CHST7: variants seen among roughly 807,000 people sequenced by gnomAD.
CHST7 encodes the protein carbohydrate sulfotransferase 7, also known as N-acetylglucosamine 6-O-sulfotransferase 4.
In CHST7, 5 loss-of-function variants were observed where a neutral mutation model predicts 9.0. The observed-to-expected ratio is 0.56, with a 90% CI of 0.29 to 1.17. The LOEUF (loss-of-function observed/expected upper bound fraction) is 1.17, where lower values mean the gene tolerates loss of function less well. Among genes scored for constraint, CHST7 ranks in the 50% most tolerant of loss-of-function variants. The pLI is 0.08. For synonymous variants in CHST7, 244 were observed against 237.1 expected (o/e 1.03, Z -0.27); for missense variants, 377 against 485.1 (o/e 0.78, Z 2.09).
chrX:46,595,590 T>A (rs774943224), intron 1 of CHST7, among the ~76,000 whole-genome samples: 1 of 110,727 alleles, frequency 9.0e-6, no homozygotes, highest in East Asian at 2.8e-4. Context: ...TTTCAGGGCT[T>A]TTTTGTGTGT....
chrX:46,590,957 T>C (rs189779410), intron 1 of CHST7, among the ~76,000 whole-genome samples: 2 of 112,580 alleles, frequency 1.8e-5, no homozygotes, highest in East Asian at 2.8e-4. Context: ...CCTTTTGAGA[T>C]TGGCATTTTT....
Position 46,574,307 on chromosome X carries a change from G to A in CHST7, c.376G>A (p.Asp126Asn). The stretch of plus-strand genomic sequence containing the variant: ...GGGCGAACTCTTTAACCAGCACCCG[G>A]ACGTTTTCTACTTGTATGAGCCCAT... Reference protein sequence around the residue: ...FLGELFNQHPDVFYLYEPMWH... With the variant: ...FLGELFNQHPNVFYLYEPMWH... Residue 126 changes from aspartate to asparagine, a missense_variant, in exon 1 of 2, where the codon GAC becomes AAC. This residue lies in a region of CHST7 where 239 missense variants were observed against 325.7 expected (regional missense o/e 0.73). Coordinates refer to ENST00000276055, the MANE Select transcript of CHST7 (RefSeq NM_019886.4). The A allele has an allele frequency of 5.8e-6, 7 of 1,211,509 alleles. No homozygotes were observed. The highest frequency in any genetic ancestry group is 7.8e-6 in the Non-Finnish European group (7 of 895,271).
chrX:46,575,237 G>A lies in CHST7; in HGVS notation c.1306G>A (p.Glu436Lys). Residue 436 changes from glutamate to lysine, a missense_variant, in exon 1 of 2, where the codon GAG becomes AAG. By Grantham distance (56) the Glu-to-Lys change is moderately conservative (BLOSUM62 1). This residue lies in a region of CHST7 where 130 missense variants were observed against 134.9 expected (regional missense o/e 0.96). Coordinates refer to ENST00000276055, the MANE Select transcript of CHST7 (RefSeq NM_019886.4). Reference protein sequence around the residue: ...DAREAVHAWRERLSREQVRQV... With the variant: ...DAREAVHAWRKRLSREQVRQV... The stretch of plus-strand genomic sequence containing the variant: ...CCGGGAGGCGGTGCACGCCTGGCGC[G>A]AGCGCCTGAGCCGAGAGCAGGTGCG... The A allele has an allele frequency of 9.1e-7, 1 of 1,101,370 alleles. No homozygotes were observed. Among genetic ancestry groups the A allele is most frequent in the Non-Finnish European group, 1.2e-6 (1 of 847,279 alleles). 90.8% of individuals were successfully genotyped at this position (1,101,370 alleles called of 1,213,427 possible). A position where few individuals can be genotyped will look rare whatever the true frequency, so the allele number is the denominator to read the frequency against.
At chrX:46,595,901 G>C (rs1200489540) in intron 1 of CHST7, among the ~76,000 whole-genome samples, 4 of 111,395 alleles carry the variant, frequency 3.6e-5, no homozygotes, top group Non-Finnish European at 7.5e-5. Context: ...ACTTTGGGAG[G>C]CTGAGGCGGG....
intron 1 of CHST7, among the ~76,000 whole-genome samples, chrX:46,577,897 C>A (rs1348332886): frequency 8.9e-6 from 1 of 112,055 alleles, no homozygotes; most frequent in Non-Finnish European, 1.9e-5. Flanking sequence ...AACTTTACAG[C>A]CATCCTCCCC....
At chrX:46,585,312 G>C (rs1242017772) in intron 1 of CHST7, among the ~76,000 whole-genome samples, 1 of 62,453 alleles carries the variant, frequency 1.6e-5, no homozygotes, top group Non-Finnish European at 2.7e-5. Context: ...TTTTTTTTGA[G>C]ACAGTCTTAT....
chrX:46,576,509 T>A (rs922028183), intron 1 of CHST7, among the ~76,000 whole-genome samples: 5 of 111,734 alleles, frequency 4.5e-5, no homozygotes, highest in Non-Finnish European at 9.4e-5. Flanking sequence ...AGTCTCAAAA[T>A]GTGTTCTGTG....
Position 46,574,908 on chromosome X carries a change from G to A in CHST7, c.977G>A (p.Gly326Asp). 1 of 1,151,016 alleles carries A rather than the reference G, an allele frequency of 8.7e-7. No homozygotes were observed. The highest frequency in any genetic ancestry group is 2.0e-5 in the South Asian group (1 of 50,638). 94.9% of individuals were successfully genotyped at this position (1,151,016 alleles called of 1,213,427 possible). A position where few individuals can be genotyped will look rare whatever the true frequency, so the allele number is the denominator to read the frequency against. The change falls in exon 1 of 2, where the codon GGC becomes GAC. Residue 326 changes from glycine (G) to aspartate (D), a missense_variant. Gly to Asp is a moderately conservative substitution (Grantham distance 94, BLOSUM62 -1). Transcript: ENST00000276055. ...LAHGVGARPG[G>D]QSRALPAAPR... ...CACGGCGTGGGTGCTCGCCCCGGGG[G>A]CCAGTCTCGCGCGCTGCCCGCCGCG...
rs755589243 is a variant in CHST7 at position 46,575,289 on chromosome X, C to T, written c.1358C>T (p.Ala453Val). 2.7e-6 allele frequency: 3 copies of T among 1,110,593 alleles called. No homozygotes were observed. Among genetic ancestry groups the T allele is most frequent in the East Asian group, 7.4e-5 (2 of 27,067 alleles). The allele number at this position is 1,110,593 out of a possible 1,213,427, so 91.5% of individuals were successfully genotyped here. The part of the protein sequence containing the change: ...VRQVEAACAP[A>V]MRLLAYPRSG... ...CAGGTGGAGGCCGCCTGCGCTCCAG[C>T]CATGCGTCTGCTCGCCTACCCTCGC... Residue 453 changes from alanine to valine, a missense_variant, in exon 1 of 2, where the codon GCC (alanine) becomes GTC (valine). Ala to Val is a moderately conservative substitution (Grantham distance 64, BLOSUM62 0). This residue lies in a region of CHST7 where 130 missense variants were observed against 134.9 expected (regional missense o/e 0.96). Coordinates refer to ENST00000276055, the MANE Select transcript of CHST7 (RefSeq NM_019886.4).
chrX:46,588,793 C>A, intron 1 of CHST7, among the ~76,000 whole-genome samples: 1 of 110,485 alleles, frequency 9.1e-6, no homozygotes, highest in Non-Finnish European at 1.9e-5. Flanking sequence ...CCTCACATTT[C>A]AATGTCACTT....
intron 1 of CHST7, among the ~76,000 whole-genome samples, chrX:46,581,249 A>T (rs6611265): frequency 0.2 from 17,562 of 89,574 alleles, 1,903 homozygotes; most frequent in African/African-American, 0.28. Context: ...AAAAAAAAAA[A>T]AATAATAATA....
At chrX:46,580,544 G>T (rs959509208) in intron 1 of CHST7, among the ~76,000 whole-genome samples, 1 of 111,739 alleles carries the variant, frequency 8.9e-6, no homozygotes, top group African/African-American at 3.3e-5. Flanking sequence ...GGGCTGCAAT[G>T]AGGTGTGAAC....
chrX:46,596,617 T>C (rs1158065412), intron 1 of CHST7, among the ~76,000 whole-genome samples: 1 of 110,196 alleles, frequency 9.1e-6, no homozygotes, highest in Non-Finnish European at 1.9e-5. Flanking sequence ...ATATAGCCCT[T>C]TCATGAAACA....
chrX:46,590,991 A>T (rs904538509), intron 1 of CHST7, among the ~76,000 whole-genome samples: 7 of 112,396 alleles, frequency 6.2e-5, no homozygotes, highest in African/African-American at 1.9e-4. Context: ...TCCTCTGGAG[A>T]TTCATCCAGG....
intron 1 of CHST7, among the ~76,000 whole-genome samples, chrX:46,583,019 T>C (rs1942532813): frequency 1.9e-5 from 2 of 107,748 alleles, no homozygotes; most frequent in Admixed American, 1.0e-4. Context: ...TAGTTGGGAG[T>C]GAAGCTTTTG....
At chrX:46,596,325 A>G (rs184531306) in intron 1 of CHST7, among the ~76,000 whole-genome samples, 32 of 110,876 alleles carry the variant, frequency 2.9e-4, no homozygotes, top group East Asian at 1.1e-3. Context: ...CAGTTCATCT[A>G]TTGTTCCTTG....
chrX:46,590,256 T>C (rs1942567920), intron 1 of CHST7, among the ~76,000 whole-genome samples: 1 of 107,381 alleles, frequency 9.3e-6, no homozygotes, highest in Non-Finnish European at 1.9e-5. Context: ...AATGACAGAT[T>C]TTTTTTTTTT....
At chrX:46,582,948 GTTT>G (rs34049715) in intron 1 of CHST7, among the ~76,000 whole-genome samples, 2 of 94,286 alleles carry the variant, frequency 2.1e-5, no homozygotes, top group Non-Finnish European at 2.1e-5. Context: ...TTTCTAAGAG[GTTT>G]TTTTTTTTTT....
At chrX:46,578,269 CTTTTTTT>C (rs3071957) in intron 1 of CHST7, among the ~76,000 whole-genome samples, 17 of 51,343 alleles carry the variant, frequency 3.3e-4, no homozygotes, top group Admixed American at 2.8e-3. Context: ...CTGCCATGCT[CTTTTTTT>C]TTTTTTTTTT....
Sources: gnomAD v4.1 joint callset for allele counts (sites outside exome capture counted in the v4.1 genomes callset) on GRCh38, gnomAD v4.1.1 for gene constraint, gnomAD v4.1.1 regional missense constraint, MANE v1.5 for transcripts, NCBI Gene and HGNC (gene_info 2026-07-23, HGNC 2026-07-21) for gene names.